Variants in PHIP observed in about 807,000 individuals in gnomAD.
PHIP encodes PH-interacting protein.
PHIP carries 54 observed loss-of-function variants against 236.8 expected under a neutral mutation model. That is an observed-to-expected ratio of 0.23 (90% CI 0.18 to 0.29). The LOEUF (loss-of-function observed/expected upper bound fraction) is 0.29, where lower values mean the gene tolerates loss of function less well. Among genes scored for constraint, PHIP ranks in the 10% least tolerant of loss-of-function variants. The probability of loss-of-function intolerance (pLI) is 1.00; values close to 1 mark genes in which losing one functional copy is unlikely to be tolerated. For missense variants in PHIP, 1,370 were observed against 2,190.8 expected, an observed-to-expected ratio of 0.63 and a Z score of 7.48; for synonymous variants, 756 against 718.9, an observed-to-expected ratio of 1.05 and a Z score of -0.83.
intron 19 of PHIP, among the ~76,000 whole-genome samples, chr6:78,992,036 A>G (rs2127724692): frequency 6.8e-6 from 1 of 147,714 alleles, no homozygotes; most frequent in East Asian, 2.0e-4. Flanking sequence ...ATCTCGGCTC[A>G]CTGCAGGCTC....
intron 39 of PHIP, among the ~76,000 whole-genome samples, chr6:78,944,452 T>C (rs1223599487): frequency 6.6e-6 from 1 of 151,966 alleles, no homozygotes; most frequent in Non-Finnish European, 1.5e-5. Context: ...ACTAGGAAAA[T>C]AGTCCAAGCA....
intron 7 of PHIP, among the ~76,000 whole-genome samples, chr6:79,036,564 C>G (rs1430382922): frequency 6.6e-6 from 1 of 152,092 alleles, no homozygotes; most frequent in African/African-American, 2.4e-5. Flanking sequence ...TTCTTCCCTC[C>G]CTCTCTCTCC....
chr6:78,980,848 A>T (rs553825922), intron 23 of PHIP, among the ~76,000 whole-genome samples: 1 of 152,154 alleles, frequency 6.6e-6, no homozygotes, highest in South Asian at 2.1e-4. Context: ...TGAAAATCAT[A>T]ATTCTAGCCT....
chr6:79,051,166 C>G (rs1362253068), intron 6 of PHIP, among the ~76,000 whole-genome samples: 1 of 152,094 alleles, frequency 6.6e-6, no homozygotes, highest in African/African-American at 2.4e-5. Flanking sequence ...CAGAATTAAT[C>G]TGGGAAATTA....
chr6:79,063,316 C>T (rs946918634), intron 4 of PHIP, among the ~76,000 whole-genome samples: 1 of 152,202 alleles, frequency 6.6e-6, no homozygotes, highest in African/African-American at 2.4e-5. Flanking sequence ...TCCCCACTCT[C>T]AAAAAACCCA....
intron 15 of PHIP, among the ~76,000 whole-genome samples, chr6:79,006,708 T>C (rs1421789464): frequency 1.3e-5 from 2 of 151,950 alleles, no homozygotes; most frequent in East Asian, 1.9e-4. Flanking sequence ...GTAAAATAAT[T>C]AGAAATAGAG....
chr6:79,003,627 C>T (rs1369047722), intron 16 of PHIP, 103 bp downstream of exon 16: 3 of 755,718 alleles, frequency 4.0e-6, no homozygotes, highest in Non-Finnish European at 4.0e-6. Flanking sequence ...CGAATTTTAT[C>T]CTGAATGTAA....
chr6:79,054,559 A>G (rs1156525596), intron 6 of PHIP, among the ~76,000 whole-genome samples: 5 of 151,618 alleles, frequency 3.3e-5, no homozygotes, highest in East Asian at 1.9e-4. Flanking sequence ...TTAGAAAAAG[A>G]TAAGTGAACA....
At chr6:79,046,882 C>G (rs1299458432) in intron 6 of PHIP, among the ~76,000 whole-genome samples, 2 of 121,420 alleles carry the variant, frequency 1.6e-5, no homozygotes, top group African/African-American at 6.3e-5. Context: ...TCTCAAACAA[C>G]AACAAATTAG....
rs964416715 is a variant in PHIP at position 79,064,637 on chromosome 6, T to C, written c.190-3819A>G. On this transcript the variant is annotated intron_variant, in intron 4 of 39. Transcript: ENST00000275034. ...GCAAACTATCTTCTCTTAACTTTTGTGACACTCCTTGGCTTGCTTTCTTCC... is the reference window on the plus strand; with the variant it reads ...GCAAACTATCTTCTCTTAACTTTTGCGACACTCCTTGGCTTGCTTTCTTCC... Among the ~76,000 whole-genome samples the C allele has an allele frequency of 1.1e-4, 16 of 152,330 alleles. No homozygotes were observed. The East Asian group carries it at 1.7e-3, about 17-fold the overall frequency.
Position 79,029,350 on chromosome 6 carries a change from A to C in PHIP, c.601-3186T>G, listed in dbSNP as rs189490518. On this transcript the variant is annotated intron_variant, in intron 7 of 39. Transcript: ENST00000275034. Reference sequence around the variant, plus strand: ...ATCATCGCTTGTGATAATTAATTTAACTTTATGGAAATTTGAAACAAAAGA... The same window carrying C: ...ATCATCGCTTGTGATAATTAATTTACCTTTATGGAAATTTGAAACAAAAGA... 6.4e-4 allele frequency among the ~76,000 whole-genome samples: 97 copies of C among 152,304 alleles called. 1 individual carries two copies. In the South Asian group the frequency reaches 8.1e-3, roughly 13 times the overall value.
In PHIP at chr6:78,964,176, A is replaced by C. The variant is rs146553743; in HGVS notation, c.3380-924T>G. 8.8e-3 allele frequency among the ~76,000 whole-genome samples: 1,341 copies of C among 152,278 alleles called. 21 individuals carry two copies. Among genetic ancestry groups the C allele is most frequent in the African/African-American group, 0.029 (1,214 of 41,568 alleles). ...AGCCATGTAACATGGTTACCAATTG[A>C]TTTAAGATATTTTATAATTTTAAAC... On this transcript the variant is annotated intron_variant, in intron 29 of 39. Coordinates refer to ENST00000275034, the MANE Select transcript of PHIP (RefSeq NM_017934.7).
In PHIP at chr6:78,958,603, TA is replaced by T. The variant is rs1766575256; in HGVS notation, c.3657-4del. On this transcript the variant is annotated splice_polypyrimidine_tract_variant and splice_region_variant and intron_variant, in intron 31 of 39. Transcript: ENST00000275034. Reference sequence around the variant, plus strand: ...CCCACATTAGGGAAGAAACCCGCCTTAAAAAAACAAAATATAGAAGTTTTAA... The same window carrying T: ...CCCACATTAGGGAAGAAACCCGCCTTAAAAAACAAAATATAGAAGTTTTAA... 7.1e-6 allele frequency: 11 copies of T among 1,539,530 alleles called. No homozygotes were observed. The highest frequency in any genetic ancestry group is 6.2e-6 in the Non-Finnish European group (7 of 1,120,508).
intron 4 of PHIP, among the ~76,000 whole-genome samples, chr6:79,068,795 G>T (rs1180759966): frequency 6.6e-6 from 1 of 152,144 alleles, no homozygotes; most frequent in African/African-American, 2.4e-5. Context: ...TTTTCAAAGT[G>T]ATGTTAGATC....
intron 15 of PHIP, among the ~76,000 whole-genome samples, chr6:79,013,858 G>T (rs1292384853): frequency 2.6e-5 from 4 of 151,424 alleles, no homozygotes; most frequent in African/African-American, 9.7e-5. Context: ...TATAAAGACA[G>T]ATTGAGAAAT....
chr6:79,027,786 A>G lies in PHIP; in HGVS notation c.601-1622T>C, dbSNP rs1260545112. On this transcript the variant is annotated intron_variant, in intron 7 of 39. Coordinates refer to ENST00000275034, the MANE Select transcript of PHIP (RefSeq NM_017934.7). ...GGAACCCAGAAGTGGTGATGCTTGA[A>G]TAGAGTCTCACGCAAGAAGAGGCAA... 2.6e-5 allele frequency among the ~76,000 whole-genome samples: 4 copies of G among 152,280 alleles called. No individual in the cohort carries two copies. The East Asian group carries it at 7.7e-4, about 29-fold the overall frequency.
In PHIP at chr6:79,068,586, G is replaced by A. The variant is rs1582319184; in HGVS notation, c.190-7768C>T. On this transcript the variant is annotated intron_variant, in intron 4 of 39. Transcript: ENST00000275034. The stretch of plus-strand genomic sequence containing the variant: ...TTTCTAAGCCTCAGTGTCCTCATCT[G>A]TATGACTGGTATCACAACAGTCACC... 6.6e-5 allele frequency among the ~76,000 whole-genome samples: 10 copies of A among 152,300 alleles called. 2 individuals are homozygous for A. Among genetic ancestry groups the A allele is most frequent in the Admixed American group, 6.5e-4 (10 of 15,300 alleles).
rs548933659 is a variant in PHIP at position 78,936,422 on chromosome 6, T to C, written c.*4271A>G. 6.6e-6 allele frequency: 1 copy of C among 152,008 alleles called. No individual in the cohort carries two copies. The highest frequency in any genetic ancestry group is 2.1e-4 in the South Asian group (1 of 4,828). 9.4% of individuals were successfully genotyped at this position (152,008 alleles called of 1,614,324 possible). A position where few individuals can be genotyped will look rare whatever the true frequency, so the allele number is the denominator to read the frequency against. ...AAAAATGTAACTTTGTATTGTCTCATGTTATAGTCTATCATTGTGACTAAT... is the reference window on the plus strand; with the variant it reads ...AAAAATGTAACTTTGTATTGTCTCACGTTATAGTCTATCATTGTGACTAAT... On this transcript the variant is annotated 3_prime_UTR_variant, in exon 40 of 40. Coordinates refer to ENST00000275034, the MANE Select transcript of PHIP (RefSeq NM_017934.7).
intron 7 of PHIP, among the ~76,000 whole-genome samples, chr6:79,037,259 G>T (rs1345000972): frequency 2.6e-5 from 4 of 152,038 alleles, no homozygotes; most frequent in Non-Finnish European, 5.9e-5. Flanking sequence ...AAAGAATACA[G>T]GCCTTACAAT....
Sources: allele counts gnomAD v4.1 joint callset (sites outside exome capture counted in the v4.1 genomes callset), GRCh38; gene constraint gnomAD v4.1.1; transcripts MANE v1.5; gene names NCBI Gene and HGNC (gene_info 2026-07-23, HGNC 2026-07-21).